Variants in SULF1 observed in about 807,000 individuals in gnomAD.
SULF1 encodes sulfatase 1.
SULF1 carries 46 observed loss-of-function variants against 110.5 expected under a neutral mutation model. That is an observed-to-expected ratio of 0.42 (90% CI 0.33 to 0.53). The LOEUF is 0.53. Ranked by LOEUF, SULF1 falls within the 20% of genes least tolerant of loss-of-function variation. The pLI is 0.12. For synonymous variants in SULF1, 371 were observed against 387.1 expected (o/e 0.96, Z 0.49); for missense variants, 941 against 1,094.2 (o/e 0.86, Z 1.98).
intron 6 of SULF1, among the ~76,000 whole-genome samples, chr8:69,583,776 G>A (rs1490742990): frequency 2.0e-5 from 3 of 152,138 alleles, no homozygotes; most frequent in African/African-American, 4.8e-5. Context: ...AGTCTAGCAG[G>A]TGTTCAGCTT....
At chr8:69,638,404 A>T in intron 19 of SULF1, 98 bp from the exon 20 acceptor site, 1 of 1,344,886 alleles carries the variant, frequency 7.4e-7, no homozygotes, top group East Asian at 2.4e-5. Flanking sequence ...GAAATTGTGA[A>T]CTTTAAAGTG....
At position 69,552,077 on chromosome 8, in the gene SULF1, G is replaced by T. The variant is rs573237467; in HGVS notation, c.-133-11462G>T. Reference sequence around the variant, plus strand: ...CACTGCACTCCAGCCTGGGCAACAAGAGTGAAACTATGTCTCAAAGAAAAA... The same window carrying T: ...CACTGCACTCCAGCCTGGGCAACAATAGTGAAACTATGTCTCAAAGAAAAA... On this transcript the variant is annotated intron_variant, in intron 3 of 22. Transcript: ENST00000402687. Among the ~76,000 whole-genome samples the T allele has an allele frequency of 5.5e-3, 841 of 152,296 alleles. 2 individuals are homozygous for T. The highest frequency in any genetic ancestry group is 7.7e-3 in the Non-Finnish European group (523 of 68,024).
chr8:69,569,290 A>G (rs1256711295), intron 5 of SULF1, among the ~76,000 whole-genome samples: 1 of 152,250 alleles, frequency 6.6e-6, no homozygotes, highest in Non-Finnish European at 1.5e-5. Context: ...GAGCTAGCCC[A>G]CAGATGTATG....
In SULF1 at chr8:69,611,124, C is replaced by G. The variant is rs144854138; in HGVS notation, c.1377+6192C>G. On this transcript the variant is annotated intron_variant, in intron 13 of 22. Coordinates refer to ENST00000402687, the MANE Select transcript of SULF1 (RefSeq NM_001128205.2). ...TATGTGCAAGTTTCTTAACCTAACT[C>G]TGCCTCAGTTTCTTCATCTGTAAAA... Among the ~76,000 whole-genome samples, 4 of 152,380 alleles carry G rather than the reference C, an allele frequency of 2.6e-5. No homozygotes were observed. The South Asian group carries it at 6.2e-4, about 24-fold the overall frequency.
intron 5 of SULF1, among the ~76,000 whole-genome samples, 191 bp downstream of exon 5, chr8:69,564,338 A>C (rs772264205): frequency 6.6e-6 from 1 of 152,184 alleles, no homozygotes; most frequent in Non-Finnish European, 1.5e-5. Context: ...TTCTGATGTT[A>C]TGCTTTTGAA....
chr8:69,606,079 C>A (rs1482825618), intron 13 of SULF1, among the ~76,000 whole-genome samples: 1 of 152,176 alleles, frequency 6.6e-6, no homozygotes, highest in African/African-American at 2.4e-5. Flanking sequence ...GAGTAGGTAA[C>A]AAAGTTATTA....
chr8:69,487,772 G>A (rs1809765696), intron 1 of SULF1, among the ~76,000 whole-genome samples: 1 of 152,178 alleles, frequency 6.6e-6, no homozygotes, highest in Non-Finnish European at 1.5e-5. Context: ...TCTCTCATAA[G>A]GCACAATGCA....
At chr8:69,613,300 TG>T (rs1808808660) in intron 13 of SULF1, among the ~76,000 whole-genome samples, 1 of 136,882 alleles carries the variant, frequency 7.3e-6, no homozygotes, top group South Asian at 2.5e-4. Flanking sequence ...CCTACAGATT[TG>T]GTTTTTTTTT....
At chr8:69,506,498 C>T (rs1811207786) in intron 3 of SULF1, among the ~76,000 whole-genome samples, 1 of 152,200 alleles carries the variant, frequency 6.6e-6, no homozygotes, top group Admixed American at 6.5e-5. Context: ...AGCCAGTGAG[C>T]TTATGTTTAA....
intron 6 of SULF1, among the ~76,000 whole-genome samples, chr8:69,579,272 G>A (rs905943640): frequency 6.6e-5 from 10 of 151,734 alleles, no homozygotes; most frequent in African/African-American, 1.9e-4. Context: ...TAAAAATTGG[G>A]GCCGGGTGCA....
intron 22 of SULF1, among the ~76,000 whole-genome samples, chr8:69,655,133 T>C (rs1463056346): frequency 6.6e-6 from 1 of 152,248 alleles, no homozygotes; most frequent in Non-Finnish European, 1.5e-5. Flanking sequence ...CCGTCGGGGC[T>C]ACTGGCATTG....
intron 2 of SULF1, among the ~76,000 whole-genome samples, chr8:69,501,395 A>C (rs78501351): frequency 1.6e-3 from 237 of 152,324 alleles, no homozygotes; most frequent in African/African-American, 5.6e-3. Context: ...AAAAATGTGG[A>C]ATATAAACAA....
At chr8:69,649,348 CT>C (rs1199816462) in intron 22 of SULF1, among the ~76,000 whole-genome samples, 1 of 151,946 alleles carries the variant, frequency 6.6e-6, no homozygotes, top group African/African-American at 2.4e-5. Context: ...TATATAAATG[CT>C]TTAGGAGGTA....
chr8:69,651,347 C>T (rs962398749), intron 22 of SULF1, among the ~76,000 whole-genome samples: 2 of 152,120 alleles, frequency 1.3e-5, no homozygotes, highest in Non-Finnish European at 2.9e-5. Context: ...GCCACCGCGC[C>T]CAGCCTCGAC....
intron 1 of SULF1, among the ~76,000 whole-genome samples, chr8:69,481,315 G>A (rs1809512761): frequency 6.6e-6 from 1 of 152,200 alleles, no homozygotes; most frequent in Non-Finnish European, 1.5e-5. Context: ...TTGAGAATGT[G>A]AAGATAAAGT....
chr8:69,488,958 A>G (rs1809807187), upstream of SULF1, among the ~76,000 whole-genome samples: 1 of 151,914 alleles, frequency 6.6e-6, no homozygotes, highest in Non-Finnish European at 1.5e-5. Context: ...AGGAAGTAAA[A>G]CCCATAAGGT....
chr8:69,521,695 G>A (rs902246029), intron 3 of SULF1, among the ~76,000 whole-genome samples: 1 of 152,136 alleles, frequency 6.6e-6, no homozygotes, highest in Non-Finnish European at 1.5e-5. Flanking sequence ...TGGAGGCCAT[G>A]GGAAGGATTT....
upstream of SULF1, among the ~76,000 whole-genome samples, chr8:69,492,161 G>A (rs1002972940): frequency 1.3e-5 from 2 of 151,972 alleles, no homozygotes; most frequent in African/African-American, 4.8e-5. Flanking sequence ...GGCAGGCGCA[G>A]GACAGGATAA....
chr8:69,467,631 G>A (rs973925539), intron 1 of SULF1, among the ~76,000 whole-genome samples: 2 of 152,206 alleles, frequency 1.3e-5, no homozygotes, highest in Non-Finnish European at 1.5e-5. Flanking sequence ...GCAGATGGAG[G>A]TAATTGATTT....
Sources: allele counts gnomAD v4.1 joint callset (sites outside exome capture counted in the v4.1 genomes callset), GRCh38; gene constraint gnomAD v4.1.1; transcripts MANE v1.5; gene names NCBI Gene and HGNC (gene_info 2026-07-23, HGNC 2026-07-21).